RAB6A: variants seen among roughly 807,000 people sequenced by gnomAD.
RAB6A encodes the protein RAB6A, member RAS oncogene family, also known as ras-related protein Rab-6A.
RAB6A carries 8 observed loss-of-function variants against 32.3 expected under a neutral mutation model. The ratio of observed to expected loss-of-function variants is 0.25; its 90% CI spans 0.15 to 0.45. The LOEUF (loss-of-function observed/expected upper bound fraction) is 0.45. Among genes scored for constraint, RAB6A ranks in the 20% least tolerant of loss-of-function variants. The probability of loss-of-function intolerance (pLI) is 1.00; values close to 1 mark genes in which losing one functional copy is unlikely to be tolerated. For synonymous variants in RAB6A, 73 were observed against 82.1 expected (o/e 0.89, Z 0.60); for missense variants, 104 against 249.4 (o/e 0.42, Z 3.93).
chr11:73,760,534 A>G (rs747449044), intron 1 of RAB6A, 32 bp downstream of exon 1: 2 of 1,579,768 alleles, frequency 1.3e-6, no homozygotes, highest in East Asian at 2.3e-5. Context: ...CGCTGCGGCC[A>G]GCTGCCAGGA....
intron 6 of RAB6A, among the ~76,000 whole-genome samples, chr11:73,683,387 C>T (rs1286538212): frequency 6.6e-6 from 1 of 151,046 alleles, no homozygotes; most frequent in Non-Finnish European, 1.5e-5. Flanking sequence ...TCCCAAGTAG[C>T]TGGGACTACA....
chr11:73,728,342 G>T (rs1425529781), intron 2 of RAB6A, among the ~76,000 whole-genome samples: 1 of 152,006 alleles, frequency 6.6e-6, no homozygotes, highest in East Asian at 1.9e-4. Context: ...GCTTGTTGTT[G>T]TATGTTTTTA....
At chr11:73,759,950 T>G in intron 1 of RAB6A, 1 of 913,274 alleles carries the variant, frequency 1.1e-6, no homozygotes, top group Non-Finnish European at 1.5e-6. Context: ...CACCCCATGC[T>G]CAAGTCGTCT....
At chr11:73,721,743 G>A (rs901783631) in intron 2 of RAB6A, among the ~76,000 whole-genome samples, 34 of 151,936 alleles carry the variant, frequency 2.2e-4, no homozygotes, top group Non-Finnish European at 3.8e-4. Flanking sequence ...ATATATGTGC[G>A]TGTACATACA....
rs1052236641 is a variant in RAB6A, at chr11:73,747,007, C to T, written c.70+13559G>A. Among the ~76,000 whole-genome samples, 9 of 152,194 alleles carry T rather than the reference C, an allele frequency of 5.9e-5. 1 individual carries two copies. Among genetic ancestry groups the T allele is most frequent in the Middle Eastern group, 6.8e-3 (2 of 292 alleles). Reference sequence around the variant, plus strand: ...CTGGAGTGTGGTGGTGCAATCTCGGCGCACTGCAACCTCCACCTCCCGGGT... The same window carrying T: ...CTGGAGTGTGGTGGTGCAATCTCGGTGCACTGCAACCTCCACCTCCCGGGT... On this transcript the variant is annotated intron_variant, in intron 1 of 7. Transcript: ENST00000336083.
At chr11:73,756,846 G>C (rs1004216204) in intron 1 of RAB6A, among the ~76,000 whole-genome samples, 49 of 150,608 alleles carry the variant, frequency 3.3e-4, no homozygotes, top group African/African-American at 1.2e-3. Flanking sequence ...GCTAGTTTTT[G>C]GATTTTTAGT....
intron 1 of RAB6A, among the ~76,000 whole-genome samples, chr11:73,743,504 G>A (rs1316857342): frequency 6.6e-6 from 1 of 152,054 alleles, no homozygotes; most frequent in African/African-American, 2.4e-5. Context: ...GTGTGTGCCT[G>A]TAGTCCCAAC....
intron 3 of RAB6A, 198 bp from the exon 4 acceptor site, chr11:73,718,916 A>T (rs1280238126): frequency 6.4e-7 from 1 of 1,558,840 alleles, no homozygotes. Context: ...AAATAAATAA[A>T]AAAAAAAAAA....
intron 6 of RAB6A, among the ~76,000 whole-genome samples, chr11:73,681,189 C>A (rs911489661): frequency 6.6e-6 from 1 of 152,234 alleles, no homozygotes; most frequent in African/African-American, 2.4e-5. Context: ...CAAGAAAAAA[C>A]AGTTTTTTAA....
rs969797708 is a variant in RAB6A, at chr11:73,707,280, T to C, written c.495+140A>G. On this transcript the variant is annotated intron_variant, in intron 6 of 7. Transcript: ENST00000336083. ...TTTTCCAAAAACTATGCCACATTTA[T>C]ATTTTTCACTGTTTGAAAATATACT... The C allele has an allele frequency of 2.7e-5, 16 of 588,704 alleles. No homozygotes were observed. In the South Asian group the frequency reaches 3.6e-4, roughly 13 times the overall value. The allele number at this position is 588,704 out of a possible 1,614,324, so 36.5% of individuals were successfully genotyped here.
chr11:73,742,076 G>A (rs1175082692), intron 1 of RAB6A, among the ~76,000 whole-genome samples: 1 of 152,110 alleles, frequency 6.6e-6, no homozygotes, highest in Non-Finnish European at 1.5e-5. Flanking sequence ...GAGGTCAGAG[G>A]TTCACGACCA....
At chr11:73,759,511 A>T (rs536601441) in intron 1 of RAB6A, among the ~76,000 whole-genome samples, 7 of 152,342 alleles carry the variant, frequency 4.6e-5, no homozygotes, top group African/African-American at 1.4e-4. Flanking sequence ...ATGGTATTTA[A>T]ATCTAATTTA....
intron 1 of RAB6A, among the ~76,000 whole-genome samples, chr11:73,733,578 T>A (rs1303404837): frequency 1.4e-5 from 2 of 146,644 alleles, no homozygotes; most frequent in African/African-American, 4.9e-5. Flanking sequence ...TAAATAAAAA[T>A]AAATAAATAA....
chr11:73,708,547 C>T (rs1377682886), intron 5 of RAB6A, among the ~76,000 whole-genome samples: 1 of 152,142 alleles, frequency 6.6e-6, no homozygotes, highest in African/African-American at 2.4e-5. Context: ...AATATTAATA[C>T]TTTAATATTA....
At chr11:73,759,516 A>G (rs1388228875) in intron 1 of RAB6A, among the ~76,000 whole-genome samples, 1 of 152,216 alleles carries the variant, frequency 6.6e-6, no homozygotes, top group Non-Finnish European at 1.5e-5. Context: ...ATTTAAATCT[A>G]ATTTAGGTAA....
intron 1 of RAB6A, among the ~76,000 whole-genome samples, chr11:73,736,798 G>GAAA (rs1217713529): frequency 2.6e-5 from 1 of 38,562 alleles, no homozygotes; most frequent in Non-Finnish European, 5.4e-5. Flanking sequence ...TCTCGAGAAA[G>GAAA]AAAAAAAAAA....
chr11:73,703,685 T>C (rs748288866), intron 6 of RAB6A, among the ~76,000 whole-genome samples: 1 of 152,032 alleles, frequency 6.6e-6, no homozygotes, highest in Admixed American at 6.5e-5. Flanking sequence ...GAGGTTGCAG[T>C]GAGCCAAGAT....
At chr11:73,687,891 T>C (rs772410259) in intron 6 of RAB6A, among the ~76,000 whole-genome samples, 2 of 152,174 alleles carry the variant, frequency 1.3e-5, no homozygotes, top group Admixed American at 6.5e-5. Flanking sequence ...TGTTACCTTG[T>C]AGACTGTCAA....
Position 73,760,644 on chromosome 11 carries a change from TAG to T in RAB6A, c.-11_-10del, listed in dbSNP as rs1356123927. On this transcript the variant is annotated 5_prime_UTR_variant, in exon 1 of 8. Coordinates refer to ENST00000336083, the MANE Select transcript of RAB6A (RefSeq NM_198896.2). ...TCTCCGCCCGTGGACATTGTGGAAC[TAG>T]AGGAGCGGCCGCCGCCTCAGCCTAG... is the stretch of plus-strand genomic sequence containing the variant. 1.2e-6 allele frequency: 2 copies of T among 1,606,486 alleles called. No individual in the cohort carries two copies. Among genetic ancestry groups the T allele is most frequent in the Non-Finnish European group, 1.7e-6 (2 of 1,176,892 alleles).
Sources: allele counts gnomAD v4.1 joint callset (sites outside exome capture counted in the v4.1 genomes callset), GRCh38; gene constraint gnomAD v4.1.1; transcripts MANE v1.5; gene names NCBI Gene and HGNC (gene_info 2026-07-23, HGNC 2026-07-21).